The following DYNC2LI1 variants were observed in gnomAD, a reference collection of about 807,000 sequenced individuals.
DYNC2LI1 encodes dynein cytoplasmic 2 light intermediate chain 1, also known as cytoplasmic dynein 2 light intermediate chain 1.
Under a neutral mutation model 51.9 loss-of-function variants are expected in DYNC2LI1, and 45 were observed. The observed-to-expected ratio is 0.87, with a 90% CI of 0.68 to 1.11. DYNC2LI1 has a LOEUF of 1.11. Ranked by LOEUF, DYNC2LI1 falls within the 50% of genes most tolerant of loss-of-function variation. The probability of loss-of-function intolerance (pLI) is 0.00; values close to 1 mark genes in which losing one functional copy is unlikely to be tolerated. For synonymous variants in DYNC2LI1, 130 were observed against 137.8 expected, an observed-to-expected ratio of 0.94 and a Z score of 0.40; for missense variants, 490 against 417.4, an observed-to-expected ratio of 1.17 and a Z score of -1.51.
the DYNC2LI1 span, chr2:43,824,042 A>G: frequency 4.3e-6 from 7 of 1,614,114 alleles, no homozygotes; most frequent in East Asian, 1.3e-4. Context: ...AAAAGGAGGA[A>G]CAAACCCATG....
chr2:43,778,642 G>A (rs1305582776), intron 2 of DYNC2LI1, among the ~76,000 whole-genome samples: 2 of 152,114 alleles, frequency 1.3e-5, no homozygotes, highest in African/African-American at 4.8e-5. Flanking sequence ...TCTGTACACA[G>A]AATATTAGAT....
In DYNC2LI1 at chr2:43,801,648, A is replaced by G; in HGVS notation, c.741A>G (p.Ile247Met). The G allele has an allele frequency of 6.2e-7, 1 of 1,608,512 alleles. No individual in the cohort carries two copies. The highest frequency in any genetic ancestry group is 1.1e-5 in the South Asian group (1 of 89,786). The change falls in exon 10 of 13, where the codon ATA becomes ATG. Residue 247 changes from isoleucine (I) to methionine (M), a missense_variant. Ile to Met is a conservative substitution (Grantham distance 10). Transcript: ENST00000260605. ...TCTCTTCTCCACGTAGCAAATCAAT[A>G]TGTGTGGATCAGAATAAACCGCTGT... The part of the protein sequence containing the change: ...LAFGIDKSKS[I>M]CVDQNKPLFI...
intron 7 of DYNC2LI1, among the ~76,000 whole-genome samples, chr2:43,796,309 G>A (rs1401219909): frequency 1.3e-5 from 2 of 150,086 alleles, no homozygotes; most frequent in Admixed American, 6.6e-5. Context: ...CTCCAGCCTG[G>A]GTTACACAGT....
downstream of DYNC2LI1, among the ~76,000 whole-genome samples, chr2:43,810,780 C>T (rs1439434223): frequency 6.6e-6 from 1 of 152,176 alleles, no homozygotes; most frequent in Non-Finnish European, 1.5e-5. Context: ...GCACACGTTT[C>T]TTGCTGAGTG....
intron 10 of DYNC2LI1, among the ~76,000 whole-genome samples, chr2:43,802,720 A>T (rs553940860): frequency 6.6e-6 from 1 of 152,286 alleles, no homozygotes; most frequent in African/African-American, 2.4e-5. Flanking sequence ...GCTCTATGAA[A>T]GCCCATGTGA....
intron 6 of DYNC2LI1, among the ~76,000 whole-genome samples, chr2:43,795,420 C>G (rs374942224): frequency 6.6e-6 from 1 of 152,026 alleles, no homozygotes. Context: ...AGGAGAATCG[C>G]TTGAACCTGG....
chr2:43,774,199 G>C, intron 1 of DYNC2LI1, 53 bp downstream of exon 1: 1 of 1,609,646 alleles, frequency 6.2e-7, no homozygotes, highest in Non-Finnish European at 8.5e-7. Context: ...TATTCCTGGA[G>C]AGAGGAAGCC....
At chr2:43,805,361 A>G in intron 12 of DYNC2LI1, 115 bp downstream of exon 12, 1 of 560,632 alleles carries the variant, frequency 1.8e-6, no homozygotes, top group Non-Finnish European at 3.1e-6. Flanking sequence ...CTTCTTTACT[A>G]TTAAAATTAT....
rs536182625 is a variant in DYNC2LI1, at chr2:43,776,873, G to T, written c.100G>T (p.Val34Phe). 20 of 1,591,512 alleles carry T rather than the reference G, an allele frequency of 1.3e-5. No individual in the cohort carries two copies. The African/African-American group carries it at 2.2e-4, about 17-fold the overall frequency. The stretch of plus-strand genomic sequence containing the variant: ...TGGAGCTGAAATTGCAGAAAAATTT[G>T]TTTTCTTCATTGGCAGTAAAAATGG... ...GDGAEIAEKF[V>F]FFIGSKNGGK... The change falls in exon 2 of 13, where the codon GTT becomes TTT. Residue 34 changes from valine to phenylalanine, a missense_variant. Transcript: ENST00000260605.
chr2:43,775,692 CT>C (rs540756527), intron 1 of DYNC2LI1: 32,455 of 308,758 alleles, frequency 0.11, 5 homozygotes, highest in South Asian at 0.14. Context: ...TTTTTATTTT[CT>C]TTTTTTTTTT....
intron 2 of DYNC2LI1, among the ~76,000 whole-genome samples, chr2:43,777,920 T>C (rs1424846935): frequency 6.6e-6 from 1 of 152,250 alleles, no homozygotes; most frequent in Non-Finnish European, 1.5e-5. Flanking sequence ...ACAAGTGTCA[T>C]ACATGACATG....
At chr2:43,808,279 A>G (rs1373766470) in intron 12 of DYNC2LI1, among the ~76,000 whole-genome samples, 1 of 151,638 alleles carries the variant, frequency 6.6e-6, no homozygotes, top group African/African-American at 2.4e-5. Context: ...AAAAAAACAC[A>G]CAAGGAAAAA....
rs764384519 is a variant in DYNC2LI1, at chr2:43,774,107, C to T, written c.-32C>T. On this transcript the variant is annotated 5_prime_UTR_variant, in exon 1 of 13. Coordinates refer to ENST00000260605, the MANE Select transcript of DYNC2LI1 (RefSeq NM_016008.4). Reference sequence around the variant, plus strand: ...TTCTAGGCTGGTCACTACTCCGAGCCTGTGACGTTTGCGGCAGCCAGGCCG... The same window carrying T: ...TTCTAGGCTGGTCACTACTCCGAGCTTGTGACGTTTGCGGCAGCCAGGCCG... 7 of 1,613,530 alleles carry T rather than the reference C, an allele frequency of 4.3e-6. No homozygotes were observed. The Admixed American group carries it at 5.0e-5, about 12-fold the overall frequency.
the DYNC2LI1 span, among the ~76,000 whole-genome samples, chr2:43,819,268 C>G: frequency 1.3e-5 from 2 of 151,818 alleles, no homozygotes; most frequent in African/African-American, 4.8e-5. Flanking sequence ...TTTGCTGCTG[C>G]TTTTTAAAAA....
intron 3 of DYNC2LI1, among the ~76,000 whole-genome samples, chr2:43,786,441 C>G (rs1673524078): frequency 6.6e-6 from 1 of 152,130 alleles, no homozygotes; most frequent in South Asian, 2.1e-4. Context: ...CTCAGCCTCC[C>G]AAAGTGCTAG....
intron 12 of DYNC2LI1, among the ~76,000 whole-genome samples, chr2:43,807,963 C>A (rs76519477): frequency 9.2e-4 from 140 of 152,022 alleles, no homozygotes; most frequent in African/African-American, 3.3e-3. Flanking sequence ...CTGGCATGGC[C>A]TGTGTGATAG....
At chr2:43,777,767 A>G (rs1239779695) in intron 2 of DYNC2LI1, among the ~76,000 whole-genome samples, 1 of 152,248 alleles carries the variant, frequency 6.6e-6, no homozygotes, top group Admixed American at 6.5e-5. Flanking sequence ...GAGTCCCAGA[A>G]GGCCCTCTCT....
downstream of DYNC2LI1, chr2:43,810,633 G>C (rs529176926): frequency 3.7e-6 from 2 of 536,928 alleles, no homozygotes; most frequent in East Asian, 2.9e-4. Flanking sequence ...TACCCCAAGG[G>C]AGTACTGTCT....
At chr2:43,808,532 T>G (rs1006630056) in intron 12 of DYNC2LI1, among the ~76,000 whole-genome samples, 64 of 152,320 alleles carry the variant, frequency 4.2e-4, no homozygotes, top group African/African-American at 1.5e-3. Context: ...TTGAACAACA[T>G]GTAGGAGGCC....
Sources: allele counts gnomAD v4.1 joint callset (sites outside exome capture counted in the v4.1 genomes callset), GRCh38; gene constraint gnomAD v4.1.1; transcripts MANE v1.5; gene names NCBI Gene and HGNC (gene_info 2026-07-23, HGNC 2026-07-21).